The following EXOC3L4 variants were observed in gnomAD, a reference collection of about 807,000 sequenced individuals.
EXOC3L4 encodes exocyst complex component 3 like 4, also known as exocyst complex component 3-like protein 4.
Under a neutral mutation model 69.7 loss-of-function variants are expected in EXOC3L4, and 62 were observed. The ratio of observed to expected loss-of-function variants is 0.89; its 90% CI spans 0.72 to 1.10. The LOEUF (loss-of-function observed/expected upper bound fraction) is 1.10, where lower values mean the gene tolerates loss of function less well. EXOC3L4 is among the 50% of genes least tolerant of loss of function. The pLI is 0.00. For missense variants in EXOC3L4, 1,087 were observed against 1,034.8 expected, an observed-to-expected ratio of 1.05 and a Z score of -0.69; for synonymous variants, 502 against 464.2, an observed-to-expected ratio of 1.08 and a Z score of -1.05.
Position 103,104,382 on chromosome 14 carries a change from T to C in EXOC3L4, c.1277T>C (p.Val426Ala). ...TACCAGGCGCCGCTGTCCATGGACG[T>C]CCATATGGTGCGGCCCGGGAGCAGG... ...GLYQAPLSMD[V>A]HMLVAEHVKA... The change falls in exon 5 of 12, where the codon GTC becomes GCC. Residue 426 changes from valine (V) to alanine (A), a missense_variant. Val to Ala is a moderately conservative substitution (Grantham distance 64, BLOSUM62 0). Transcript: ENST00000688303. The C allele has an allele frequency of 6.3e-7, 1 of 1,575,948 alleles. No homozygotes were observed.
At position 103,102,432 on chromosome 14, in the gene EXOC3L4, A is replaced by ACGC; in HGVS notation, c.713_715dup (p.Pro238dup). 1 of 1,515,948 alleles carries ACGC rather than the reference A, an allele frequency of 6.6e-7. No individual in the cohort carries two copies. Among genetic ancestry groups the ACGC allele is most frequent in the Non-Finnish European group, 8.8e-7 (1 of 1,140,746 alleles). The allele number at this position is 1,515,948 out of a possible 1,614,324, so 93.9% of individuals were successfully genotyped here. On this transcript the variant is annotated inframe_insertion, in exon 3 of 12. Transcript: ENST00000688303. Reference sequence around the variant, plus strand: ...CCCCGACGACGGCGACTTCCTGCGCACGCCGCGCCGCTGGCGCCAGCACTG... The same window carrying ACGC: ...CCCCGACGACGGCGACTTCCTGCGCACGCCGCCGCGCCGCTGGCGCCAGCACTG...
rs147044211 is a variant in EXOC3L4 at position 103,107,536 on chromosome 14, G to A, written c.1694G>A (p.Arg565Gln). 27 of 1,613,638 alleles carry A rather than the reference G, an allele frequency of 1.7e-5. No homozygotes were observed. The highest frequency in any genetic ancestry group is 8.9e-5 in the East Asian group (4 of 44,886). The change falls in exon 9 of 12, where the codon CGG becomes CAG. Residue 565 changes from arginine (R) to glutamine (Q), a missense_variant. Transcript: ENST00000688303. The part of the protein sequence containing the change: ...AGHLQRVARP[R>Q]AQETLQEVHR... ...CATCTCCAGCGTGTGGCCCGGCCGC[G>A]GGCACAGGTACCACAAGGGGGAGGG...
chr14:103,094,570 TG>T (rs145715753), upstream of EXOC3L4, among the ~76,000 whole-genome samples: 6,249 of 151,452 alleles, frequency 0.041, 415 homozygotes, highest in African/African-American at 0.14. Flanking sequence ...CTGAGCTGTC[TG>T]GAATGGAAAG....
At chr14:103,107,403 T>C (rs1595253339) in intron 8 of EXOC3L4, 21 bp from the exon 9 acceptor site, 1 of 1,610,090 alleles carries the variant, frequency 6.2e-7, no homozygotes. Context: ...ATTTGCAGAC[T>C]CCCAGCCCCT....
intron 11 of EXOC3L4, 128 bp downstream of exon 11, chr14:103,108,645 T>A: frequency 1.5e-6 from 2 of 1,313,446 alleles, no homozygotes; most frequent in Non-Finnish European, 2.1e-6. Context: ...GAGGTAGGCC[T>A]TGGACCCTCA....
At position 103,104,760 on chromosome 14, in the gene EXOC3L4, C is replaced by T. The variant is rs1354096834; in HGVS notation, c.1307C>T (p.Ala436Val). 8.6e-6 allele frequency: 13 copies of T among 1,518,080 alleles called. No homozygotes were observed. Among genetic ancestry groups the T allele is most frequent in the African/African-American group, 1.4e-5 (1 of 71,886 alleles). 94.0% of individuals were successfully genotyped at this position (1,518,080 alleles called of 1,614,324 possible). The change falls in exon 6 of 12, where the codon GCG (alanine) becomes GTG (valine). Residue 436 changes from alanine (A) to valine (V), a missense_variant. By Grantham distance (64) the Ala-to-Val change is moderately conservative. Coordinates refer to ENST00000688303, the MANE Select transcript of EXOC3L4 (RefSeq NM_001077594.2). ...VHMLVAEHVKAAGAISAELEA... is the reference protein window; with the variant it reads ...VHMLVAEHVKVAGAISAELEA... ...CAGCTCGTGGCCGAGCACGTGAAGG[C>T]GGCCGGCGCCATCTCCGCGGAGCTG...
chr14:103,104,116 C>T, intron 4 of EXOC3L4, 64 bp downstream of exon 4: 4 of 1,452,870 alleles, frequency 2.8e-6, no homozygotes, highest in Non-Finnish European at 2.7e-6. Flanking sequence ...GGGGGATGTG[C>T]GGCGCCCAGG....
chr14:103,105,289 G>C (rs1454653396), intron 7 of EXOC3L4, among the ~76,000 whole-genome samples: 1 of 151,702 alleles, frequency 6.6e-6, no homozygotes, highest in Non-Finnish European at 1.5e-5. Context: ...TGGAGCTGAG[G>C]GTGTGTGCCT....
chr14:103,100,734 T>G, intron 2 of EXOC3L4, 121 bp downstream of exon 2: 1 of 1,262,616 alleles, frequency 7.9e-7, no homozygotes. Context: ...CCCGAACATG[T>G]GCAATTCTTT....
At chr14:103,105,825 C>A (rs1379599791) in intron 7 of EXOC3L4, among the ~76,000 whole-genome samples, 1 of 152,202 alleles carries the variant, frequency 6.6e-6, no homozygotes, top group Non-Finnish European at 1.5e-5. Context: ...CTGGGTTTAT[C>A]CTTTTTTAAA....
rs2139460411 is a variant in EXOC3L4, at chr14:103,097,533, A to T, written c.-16-2671A>T. Among the ~76,000 whole-genome samples the T allele has an allele frequency of 6.6e-6, 1 of 152,228 alleles. No homozygotes were observed. The highest frequency in any genetic ancestry group is 1.5e-5 in the Non-Finnish European group (1 of 68,010). On this transcript the variant is annotated intron_variant, in intron 1 of 11. Transcript: ENST00000688303. This position sits in a 1 kb window ranked among gnomAD's most constrained non-coding sequence, Gnocchi z 4.9. ...GCCCCGCAGGCGCCAGCATGGCAGCAGGCAGGCCAGCCGGGGGTGGCAGGG... is the reference window on the plus strand; with the variant it reads ...GCCCCGCAGGCGCCAGCATGGCAGCTGGCAGGCCAGCCGGGGGTGGCAGGG...
Position 103,100,395 on chromosome 14 carries a change from G to C in EXOC3L4, c.176G>C (p.Arg59Pro), listed in dbSNP as rs199797548. Reference sequence around the variant, plus strand: ...GGCTCCCTGAGGCAGGCCTTCTCCCGGGCCAGCCAGCGGGCTTTGACCCAG... The same window carrying C: ...GGCTCCCTGAGGCAGGCCTTCTCCCCGGCCAGCCAGCGGGCTTTGACCCAG... The part of the protein sequence containing the change: ...GLGSLRQAFS[R>P]ASQRALTQVS... Residue 59 changes from arginine to proline, a missense_variant, in exon 2 of 12, where the codon CGG becomes CCG. Physicochemically the swap from Arg to Pro is moderately radical, Grantham distance 103. Transcript: ENST00000688303. The C allele has an allele frequency of 2.5e-6, 4 of 1,610,514 alleles. No individual in the cohort carries two copies. Among genetic ancestry groups the C allele is most frequent in the Non-Finnish European group, 3.4e-6 (4 of 1,178,542 alleles).
Position 103,107,619 on chromosome 14 carries a change from T to C in EXOC3L4, c.1702-12T>C, listed in dbSNP as rs373671559. 101 of 1,599,452 alleles carry C rather than the reference T, an allele frequency of 6.3e-5. 1 individual carries two copies. In the African/African-American group the frequency reaches 1.3e-3, roughly 21 times the overall value. On this transcript the variant is annotated splice_polypyrimidine_tract_variant and intron_variant, in intron 9 of 11. Transcript: ENST00000688303. ...TTGACCCTGACCCTGACCCTGACCCTGGGCCGCCCAGGAGACTCTGCAGGA... is the reference window on the plus strand; with the variant it reads ...TTGACCCTGACCCTGACCCTGACCCCGGGCCGCCCAGGAGACTCTGCAGGA...
chr14:103,109,909 C>T (rs1040904784), intron 11 of EXOC3L4, 122 bp from the exon 12 acceptor site: 8 of 1,114,808 alleles, frequency 7.2e-6, no homozygotes, highest in Non-Finnish European at 8.8e-6. Flanking sequence ...TCTGACCTCC[C>T]TGACCATCCT....
chr14:103,103,368 A>AAAAAAAAAG lies in EXOC3L4; in HGVS notation c.1050-570_1050-569insAAAAAGAAA, dbSNP rs1358354757. Among the ~76,000 whole-genome samples the AAAAAAAAAG allele has an allele frequency of 6.1e-3, 896 of 145,956 alleles. 3 individuals carry two copies. The highest frequency in any genetic ancestry group is 0.017 in the Middle Eastern group (5 of 288). On this transcript the variant is annotated intron_variant, in intron 3 of 11. Coordinates refer to ENST00000688303, the MANE Select transcript of EXOC3L4 (RefSeq NM_001077594.2). ...AGACTCTGTCTCAAAAAAAAAAAAA[A>AAAAAAAAAG]AAAGAAAGAAAGAAAGAAAAGAAAA...
chr14:103,100,096 C>A, intron 1 of EXOC3L4, 108 bp from the exon 2 acceptor site: 1 of 1,226,504 alleles, frequency 8.2e-7, no homozygotes, highest in Non-Finnish European at 1.1e-6. Flanking sequence ...CTGAGGGCTG[C>A]CTCCTCTGGA....
chr14:103,097,899 G>A lies in EXOC3L4; in HGVS notation c.-16-2305G>A, dbSNP rs954977434. Among the ~76,000 whole-genome samples, 1 of 152,128 alleles carries A rather than the reference G, an allele frequency of 6.6e-6. No homozygotes were observed. Among genetic ancestry groups the A allele is most frequent in the Non-Finnish European group, 1.5e-5 (1 of 68,016 alleles). The stretch of plus-strand genomic sequence containing the variant: ...GGGAAGCTGGTGAGGTGTCATCAGC[G>A]GGAGGTGGGGGGTGGAGGAAGGAGG... On this transcript the variant is annotated intron_variant, in intron 1 of 11. Coordinates refer to ENST00000688303, the MANE Select transcript of EXOC3L4 (RefSeq NM_001077594.2). The surrounding 1 kb of genome is among the most constrained non-coding windows in gnomAD (Gnocchi z 4.9).
At position 103,102,582 on chromosome 14, in the gene EXOC3L4, C is replaced by T; in HGVS notation, c.859C>T (p.Arg287Cys). ...TCTGGCCGAGCTGGGTGGCTTGGTT[C>T]GCCGCGACCTGCAGAAGGTGCGGCA... ...QLLAELGGLV[R>C]RDLQKVRQEV... The change falls in exon 3 of 12, where the codon CGC becomes TGC. Residue 287 changes from arginine to cysteine, a missense_variant. Transcript: ENST00000688303. The T allele has an allele frequency of 2.0e-6, 3 of 1,465,078 alleles. No individual in the cohort carries two copies. The highest frequency in any genetic ancestry group is 2.7e-6 in the Non-Finnish European group (3 of 1,111,588). 90.8% of individuals were successfully genotyped at this position (1,465,078 alleles called of 1,614,324 possible).
At chr14:103,105,162 G>T in intron 7 of EXOC3L4, 90 bp downstream of exon 7, 3 of 1,334,288 alleles carry the variant, frequency 2.2e-6, no homozygotes, top group South Asian at 2.7e-5. Context: ...GTGCGCGCGC[G>T]TGGAGGGGGC....
Sources: gnomAD v4.1 joint callset for allele counts (sites outside exome capture counted in the v4.1 genomes callset) on GRCh38, gnomAD v4.1.1 for gene constraint, Gnocchi (gnomAD v3.1) non-coding constraint, MANE v1.5 for transcripts, NCBI Gene and HGNC (gene_info 2026-07-23, HGNC 2026-07-21) for gene names.